The following SNX29 variants were observed in gnomAD, a reference collection of about 807,000 sequenced individuals.
SNX29 encodes the protein sorting nexin 29.
A neutral mutation model predicts 102.1 loss-of-function variants in SNX29; 78 were observed. That is an observed-to-expected ratio of 0.76 (90% CI 0.64 to 0.92). The LOEUF (loss-of-function observed/expected upper bound fraction) is 0.92. Ranked by LOEUF, SNX29 falls within the 40% of genes least tolerant of loss-of-function variation. The pLI is 0.00. For synonymous variants in SNX29, 580 were observed against 414.5 expected (o/e 1.40, Z -4.85); for missense variants, 1,280 against 1,061.7 (o/e 1.21, Z -2.86).
intron 18 of SNX29, among the ~76,000 whole-genome samples, chr16:12,457,482 A>G (rs987614988): frequency 6.6e-6 from 1 of 152,142 alleles, no homozygotes; most frequent in Non-Finnish European, 1.5e-5. Flanking sequence ...CCCACACTAT[A>G]CCTCAATGCC....
At chr16:12,523,525 C>A (rs577623651) in intron 19 of SNX29, among the ~76,000 whole-genome samples, 1 of 152,254 alleles carries the variant, frequency 6.6e-6, no homozygotes, top group Non-Finnish European at 1.5e-5. Flanking sequence ...AGCACAGATA[C>A]ACGGAGCAGG....
chr16:12,142,960 G>A (rs2054917774), intron 13 of SNX29, among the ~76,000 whole-genome samples: 1 of 151,858 alleles, frequency 6.6e-6, no homozygotes, highest in Admixed American at 6.6e-5. Context: ...CTGTCCTGTG[G>A]GTGCTAGAAA....
chr16:12,505,962 CATTT>C (rs1253148114), intron 19 of SNX29, among the ~76,000 whole-genome samples: 2 of 151,892 alleles, frequency 1.3e-5, no homozygotes, highest in East Asian at 3.9e-4. Flanking sequence ...TTTCAGATTT[CATTT>C]GTTTGTTTGT....
chr16:12,403,881 C>G (rs2151514785), intron 18 of SNX29, among the ~76,000 whole-genome samples: 2 of 152,294 alleles, frequency 1.3e-5, no homozygotes, highest in Admixed American at 1.3e-4. Flanking sequence ...CATCAGGAAC[C>G]TGCTGCCATA....
intron 16 of SNX29, among the ~76,000 whole-genome samples, chr16:12,386,517 C>G (rs988692177): frequency 6.6e-6 from 1 of 152,184 alleles, no homozygotes; most frequent in African/African-American, 2.4e-5. Context: ...GCTCTGCCCA[C>G]CTGTTCTCAG....
At chr16:12,556,821 A>G (rs945782498) in intron 20 of SNX29, among the ~76,000 whole-genome samples, 1 of 152,102 alleles carries the variant, frequency 6.6e-6, no homozygotes, top group Admixed American at 6.5e-5. Context: ...ACAGAAGCCC[A>G]GAGGAGGAAC....
intron 18 of SNX29, among the ~76,000 whole-genome samples, chr16:12,432,997 T>C (rs1370151193): frequency 6.6e-6 from 1 of 151,960 alleles, no homozygotes; most frequent in East Asian, 1.9e-4. Flanking sequence ...AGGGTGTGGG[T>C]AGAGGTGGGT....
At position 12,130,303 on chromosome 16, in the gene SNX29, C is replaced by T. The variant is rs1421064716; in HGVS notation, c.1595+545C>T. On this transcript the variant is annotated intron_variant, in intron 13 of 20. Coordinates refer to ENST00000566228, the MANE Select transcript of SNX29 (RefSeq NM_032167.5). ...CATCCTGGCTAACACGGTGAAACCC[C>T]GTCTCTACTAAAAATACAAAAATTA... 6.6e-5 allele frequency among the ~76,000 whole-genome samples: 10 copies of T among 151,138 alleles called. 1 individual carries two copies. The South Asian group carries it at 8.4e-4, about 13-fold the overall frequency.
At chr16:12,524,990 A>G (rs999056458) in intron 20 of SNX29, 149 bp downstream of exon 20, 2 of 1,154,920 alleles carry the variant, frequency 1.7e-6, no homozygotes, top group Middle Eastern at 2.7e-4. Flanking sequence ...CCAGGTGCCA[A>G]AGTGGAGGTT....
At chr16:12,390,736 C>G (rs985744360) in intron 16 of SNX29, among the ~76,000 whole-genome samples, 4 of 152,022 alleles carry the variant, frequency 2.6e-5, no homozygotes, top group African/African-American at 7.2e-5. Context: ...CCTATTGGAG[C>G]TTCCTAACAA....
chr16:12,473,981 A>C (rs547864225), intron 18 of SNX29, among the ~76,000 whole-genome samples: 2 of 152,252 alleles, frequency 1.3e-5, no homozygotes, highest in Admixed American at 6.5e-5. Context: ...TACTTTCCTA[A>C]TCAACTTGCT....
chr16:12,552,089 G>A (rs1291315426), intron 20 of SNX29, among the ~76,000 whole-genome samples: 1 of 152,184 alleles, frequency 6.6e-6, no homozygotes, highest in Non-Finnish European at 1.5e-5. Context: ...ACTCAACTGT[G>A]CTATCCTCAG....
chr16:12,211,557 G>GGT (rs112433222), intron 14 of SNX29, among the ~76,000 whole-genome samples: 37 of 151,450 alleles, frequency 2.4e-4, no homozygotes, highest in Admixed American at 1.1e-3. Context: ...GACCAATAGG[G>GGT]GTGTGTGTGT....
chr16:12,215,939 G>A (rs993126465), intron 14 of SNX29, among the ~76,000 whole-genome samples: 46 of 152,262 alleles, frequency 3.0e-4, no homozygotes, highest in African/African-American at 9.9e-4. Flanking sequence ...GGAGTGGTGC[G>A]TGCACAGTTG....
chr16:12,404,846 C>G (rs1163593567), intron 18 of SNX29, among the ~76,000 whole-genome samples: 1 of 152,132 alleles, frequency 6.6e-6, no homozygotes, highest in African/African-American at 2.4e-5. Context: ...TCTCACCTTC[C>G]CAAATGACCG....
chr16:12,536,743 C>CAAGG (rs1399544172), intron 20 of SNX29, among the ~76,000 whole-genome samples: 2 of 152,108 alleles, frequency 1.3e-5, no homozygotes, highest in African/African-American at 4.8e-5. Flanking sequence ...TTTGGGAGGT[C>CAAGG]AAGGCAGGCG....
intron 20 of SNX29, among the ~76,000 whole-genome samples, chr16:12,552,136 G>C (rs1247089702): frequency 6.6e-6 from 1 of 152,212 alleles, no homozygotes; most frequent in Non-Finnish European, 1.5e-5. Flanking sequence ...ATGCCTGAGA[G>C]GCCACATTCC....
intron 13 of SNX29, among the ~76,000 whole-genome samples, chr16:12,196,809 C>T (rs756034786): frequency 2.0e-5 from 3 of 151,868 alleles, no homozygotes; most frequent in Non-Finnish European, 4.4e-5. Context: ...TCAGTAGAGA[C>T]AGGGTTTCAC....
intron 18 of SNX29, among the ~76,000 whole-genome samples, chr16:12,469,677 A>G (rs1277922420): frequency 1.3e-5 from 2 of 152,186 alleles, no homozygotes; most frequent in African/African-American, 4.8e-5. Flanking sequence ...TAGAGAGCGC[A>G]TTTCTTAGTT....
Sources: allele counts gnomAD v4.1 joint callset (sites outside exome capture counted in the v4.1 genomes callset), GRCh38; gene constraint gnomAD v4.1.1; transcripts MANE v1.5; gene names NCBI Gene and HGNC (gene_info 2026-07-23, HGNC 2026-07-21).